FAM20C: variants seen among roughly 807,000 people sequenced by gnomAD.
FAM20C encodes FAM20C golgi associated secretory pathway kinase, also known as extracellular serine/threonine protein kinase FAM20C.
FAM20C carries 40 observed loss-of-function variants against 51.5 expected under a neutral mutation model. That is an observed-to-expected ratio of 0.78 (90% CI 0.60 to 1.01). The LOEUF is 1.01. FAM20C is among the 50% of genes least tolerant of loss of function. FAM20C has a pLI of 0.00. For synonymous variants in FAM20C, 406 were observed against 380.6 expected (o/e 1.07, Z -0.78); for missense variants, 861 against 844.7 (o/e 1.02, Z -0.24).
intron 6 of FAM20C, chr7:256,452 G>T (rs1279537873): frequency 5.0e-6 from 3 of 595,502 alleles, no homozygotes; most frequent in African/African-American, 1.9e-5. Context: ...TCCAGGTGGG[G>T]TCACCCCGAG....
intron 3 of FAM20C, among the ~76,000 whole-genome samples, chr7:209,283 T>C (rs938072690): frequency 1.3e-5 from 2 of 152,220 alleles, no homozygotes; most frequent in African/African-American, 4.8e-5. Flanking sequence ...CACCAAAGAA[T>C]GCCTCTCTGG....
rs190305972 is a variant in FAM20C at position 260,047 on chromosome 7, G to A, written c.*67G>A. On this transcript the variant is annotated 3_prime_UTR_variant, in exon 10 of 10. Transcript: ENST00000313766. Reference sequence around the variant, plus strand: ...GCCGGACCTCCCAGCAAGCGCATGCGCCCGTCGTGAATTCAGTGAATTCAG... The same window carrying A: ...GCCGGACCTCCCAGCAAGCGCATGCACCCGTCGTGAATTCAGTGAATTCAG... The A allele has an allele frequency of 1.6e-4, 227 of 1,435,700 alleles. No homozygotes were observed. Among genetic ancestry groups the A allele is most frequent in the Non-Finnish European group, 1.9e-4 (212 of 1,093,142 alleles). 88.9% of individuals were successfully genotyped at this position (1,435,700 alleles called of 1,614,324 possible). A position where few individuals can be genotyped will look rare whatever the true frequency, so the allele number is the denominator to read the frequency against.
Position 256,698 on chromosome 7 carries a change from C to T in FAM20C, c.1298C>T (p.Pro433Leu), listed in dbSNP as rs756159495. The T allele has an allele frequency of 1.2e-5, 19 of 1,535,996 alleles. No individual in the cohort carries two copies. Among genetic ancestry groups the T allele is most frequent in the African/African-American group, 5.5e-5 (4 of 73,050 alleles). Residue 433 changes from proline (P) to leucine (L), a missense_variant, in exon 7 of 10, where the codon CCG becomes CTG. By Grantham distance (98) the Pro-to-Leu change is moderately conservative. Transcript: ENST00000313766. ...TACTGCGAGGAGGTGAAGCAGACACCGCCCTACGACAGCAGCCACCGCATC... is the reference window on the plus strand; with the variant it reads ...TACTGCGAGGAGGTGAAGCAGACACTGCCCTACGACAGCAGCCACCGCATC... ...PDYCEEVKQTPPYDSSHRILD... is the reference protein window; with the variant it reads ...PDYCEEVKQTLPYDSSHRILD...
At chr7:253,142 G>A (rs1788463074) in intron 5 of FAM20C, among the ~76,000 whole-genome samples, 2 of 152,182 alleles carry the variant, frequency 1.3e-5, no homozygotes, top group Non-Finnish European at 2.9e-5. Flanking sequence ...CAGGTTGCAG[G>A]AGACACGTTT....
chr7:212,199 G>A (rs1383834457), intron 3 of FAM20C, among the ~76,000 whole-genome samples: 1 of 152,220 alleles, frequency 6.6e-6, no homozygotes, highest in Non-Finnish European at 1.5e-5. Flanking sequence ...ACACTGGCTC[G>A]CAGCTGTAAT....
intron 5 of FAM20C, among the ~76,000 whole-genome samples, chr7:250,829 G>C (rs1319162432): frequency 6.6e-6 from 1 of 152,230 alleles, no homozygotes; most frequent in Non-Finnish European, 1.5e-5. Context: ...AATTTTTATT[G>C]CAACTTTTAG....
At chr7:228,954 G>A (rs1787552937) in intron 3 of FAM20C, 8 of 394,678 alleles carry the variant, frequency 2.0e-5, no homozygotes, top group Middle Eastern at 3.9e-4. Context: ...CTTGTTCATG[G>A]ATGGGGATCA....
At chr7:228,987 C>A (rs993306928) in intron 3 of FAM20C, 1 of 374,288 alleles carries the variant, frequency 2.7e-6, no homozygotes, top group South Asian at 1.9e-5. Context: ...GTAGCGACAC[C>A]AGGACCCGTA....
At chr7:195,769 G>T in intron 2 of FAM20C, 37 bp downstream of exon 2, 1 of 1,504,800 alleles carries the variant, frequency 6.6e-7, no homozygotes, top group Non-Finnish European at 8.9e-7. Context: ...CCGTCTGTGT[G>T]CCGGCTGTGT....
intron 7 of FAM20C, 49 bp downstream of exon 7, chr7:256,812 A>G: frequency 1.3e-6 from 2 of 1,507,536 alleles, no homozygotes; most frequent in African/African-American, 1.4e-5. Context: ...CCTTGCGTGG[A>G]GCGGATGCAC....
At position 225,957 on chromosome 7, in the gene FAM20C, C is replaced by A. The variant is rs28607245; in HGVS notation, c.863+16981C>A. On this transcript the variant is annotated intron_variant, in intron 3 of 9. Transcript: ENST00000313766. The stretch of plus-strand genomic sequence containing the variant: ...CTGTCCCCTGAGCCTTCTCTCATTG[C>A]GCAGAATGGCACCCTCATGGGGTCG... Among the ~76,000 whole-genome samples the A allele has an allele frequency of 3.5e-3, 186 of 53,364 alleles. 20 individuals are homozygous for A. Among genetic ancestry groups the A allele is most frequent in the African/African-American group, 0.011 (165 of 15,440 alleles). 35.0% of individuals were successfully genotyped at this position (53,364 alleles called of 152,430 possible). A position where few individuals can be genotyped will look rare whatever the true frequency, so the allele number is the denominator to read the frequency against.
chr7:234,193 G>A (rs889921299), intron 3 of FAM20C, among the ~76,000 whole-genome samples: 6 of 152,224 alleles, frequency 3.9e-5, no homozygotes, highest in Admixed American at 3.9e-4. Flanking sequence ...GGGCTCGGCC[G>A]CCAGGATTTC....
At chr7:206,076 C>T (rs1042037895) in intron 2 of FAM20C, among the ~76,000 whole-genome samples, 5 of 152,124 alleles carry the variant, frequency 3.3e-5, no homozygotes, top group African/African-American at 7.2e-5. Flanking sequence ...GTGGAGGAGC[C>T]GTGAGGTCCC....
chr7:233,304 A>G (rs1015261689), intron 3 of FAM20C, among the ~76,000 whole-genome samples: 26,301 of 152,164 alleles, frequency 0.17, 5,251 homozygotes, highest in African/African-American at 0.49. Context: ...CATGAGCCTT[A>G]GCATTGATGG....
rs1212086591 is a variant in FAM20C at position 246,440 on chromosome 7, C to A, written c.889C>A (p.Pro297Thr). The A allele has an allele frequency of 1.4e-6, 2 of 1,465,384 alleles. No homozygotes were observed. The highest frequency in any genetic ancestry group is 4.3e-5 in the Admixed American group (2 of 46,520). 90.8% of individuals were successfully genotyped at this position (1,465,384 alleles called of 1,614,324 possible). A position where few individuals can be genotyped will look rare whatever the true frequency, so the allele number is the denominator to read the frequency against. ...MKQTREQETP[P>T]DFFYFSDYER... ...ACAAACGAGGGAGCAGGAGACACCC[C>A]CTGACTTTTTTTATTTCTCTGACTA... The change falls in exon 4 of 10, where the codon CCT becomes ACT. Residue 297 changes from proline to threonine, a missense_variant. Transcript: ENST00000313766.
intron 5 of FAM20C, among the ~76,000 whole-genome samples, chr7:249,234 G>A (rs1562394849): frequency 6.6e-6 from 1 of 150,918 alleles, no homozygotes; most frequent in Non-Finnish European, 1.5e-5. Flanking sequence ...GGCCTCCCCC[G>A]CCTCGGCGAA....
chr7:205,421 G>A (rs1277008491), intron 2 of FAM20C, among the ~76,000 whole-genome samples: 1 of 151,878 alleles, frequency 6.6e-6, no homozygotes, highest in Non-Finnish European at 1.5e-5. Context: ...TAATTTTTTG[G>A]TAGAGATGGG....
In FAM20C at chr7:257,019, C is replaced by T. The variant is rs1344057526; in HGVS notation, c.1378C>T (p.His460Tyr). The change falls in exon 8 of 10, where the codon CAC becomes TAC. Residue 460 changes from histidine to tyrosine, a missense_variant. Transcript: ENST00000313766. ...TCTCTCCGCAGGAAACATGGACCGT[C>T]ACCACTACGAGACTTTTGAGAAGTT... ...FDFLMGNMDR[H>Y]HYETFEKFGN... is the part of the protein sequence containing the mutation. The T allele has an allele frequency of 3.9e-6, 6 of 1,537,028 alleles. No individual in the cohort carries two copies. Among genetic ancestry groups the T allele is most frequent in the Non-Finnish European group, 5.2e-6 (6 of 1,146,908 alleles).
At chr7:258,360 GA>G (rs1476836501) in intron 8 of FAM20C, among the ~76,000 whole-genome samples, 4 of 109,848 alleles carry the variant, frequency 3.6e-5, no homozygotes, top group Admixed American at 8.1e-5. Context: ...CCCACTGCCT[GA>G]GGTGCTGGAG....
Sources: gnomAD v4.1 joint callset for allele counts (sites outside exome capture counted in the v4.1 genomes callset) on GRCh38, gnomAD v4.1.1 for gene constraint, MANE v1.5 for transcripts, NCBI Gene and HGNC (gene_info 2026-07-23, HGNC 2026-07-21) for gene names.